The following SBF1 variants were observed in gnomAD, a reference collection of about 807,000 sequenced individuals.
The protein encoded by SBF1 is SET binding factor 1, also known as myotubularin-related protein 5.
SBF1 carries 65 observed loss-of-function variants against 215.8 expected under a neutral mutation model. The observed-to-expected ratio is 0.30, with a 90% CI of 0.25 to 0.37. The LOEUF (loss-of-function observed/expected upper bound fraction) is 0.37. Ranked by LOEUF, SBF1 falls within the 10% of genes least tolerant of loss-of-function variation. The pLI, the probability that SBF1 is intolerant of heterozygous loss-of-function variation, is 1.00. For missense variants in SBF1, 2,634 were observed against 2,667.8 expected, an observed-to-expected ratio of 0.99 and a Z score of 0.28; for synonymous variants, 1,410 against 1,122.8, an observed-to-expected ratio of 1.26 and a Z score of -5.11.
chr22:50,456,643 C>G lies in SBF1; in HGVS notation c.3935G>C (p.Arg1312Pro). The G allele has an allele frequency of 1.3e-6, 2 of 1,504,972 alleles. No individual in the cohort carries two copies. The highest frequency in any genetic ancestry group is 2.7e-5 in the South Asian group (2 of 73,480). 93.2% of individuals were successfully genotyped at this position (1,504,972 alleles called of 1,614,324 possible). ...CACATCGGTGCCAAGGCCACTGCTG[C>G]GTCCACTGGTCCGGACACTGCCCCA... ...GKWGSVRTSGRSSGLGTDVGS... is the reference protein window; with the variant it reads ...GKWGSVRTSGPSSGLGTDVGS... The change falls in exon 30 of 41, where the codon CGC becomes CCC. Residue 1312 changes from arginine to proline, a missense_variant. Transcript: ENST00000380817.
rs146830316 is a variant in SBF1, at chr22:50,465,323, C to T, written c.1095G>A (p.Lys365=). The change falls in exon 11 of 41, where the codon AAG becomes AAA. Residue 365 remains lysine, a synonymous_variant. Transcript: ENST00000380817. ...GCCGCAGGAAGACCGCGCGCAGCTC[C>T]TTGTCCTGGGAGAAGAGCTGAGTGC... The part of the protein sequence containing the change: ...TSTSSLKMQD[K]ELRAVFLRLF... 2.6e-4 allele frequency: 412 copies of T among 1,585,516 alleles called. 2 individuals are homozygous for T. In the African/African-American group the frequency reaches 5.0e-3, roughly 19 times the overall value.
rs1203430925 is a variant in SBF1, at chr22:50,460,123, G to A, written c.3320C>T (p.Ser1107Phe). The A allele has an allele frequency of 4.3e-6, 7 of 1,612,792 alleles. No homozygotes were observed. The highest frequency in any genetic ancestry group is 5.9e-6 in the Non-Finnish European group (7 of 1,180,004). The change falls in exon 26 of 41, where the codon TCC becomes TTC. Residue 1107 changes from serine to phenylalanine, a missense_variant. By Grantham distance (155) the Ser-to-Phe change is radical. Coordinates refer to ENST00000380817, the MANE Select transcript of SBF1 (RefSeq NM_002972.4). ...EELEPSTLTP[S>F]SALKPSDRMT... The stretch of plus-strand genomic sequence containing the variant: ...GCGGTCGGAGGGCTTCAGGGCTGAG[G>A]ACGGGGTCAGCGTGCTGGGCTCCAG...
chr22:50,448,698 C>G (rs1208318326), intron 36 of SBF1, 48 bp from the exon 37 acceptor site: 1 of 1,454,670 alleles, frequency 6.9e-7, no homozygotes, highest in African/African-American at 1.4e-5. Context: ...AATATCCAGA[C>G]TAGAGCACGA....
At chr22:50,452,315 A>C (rs1274730885) in intron 36 of SBF1, among the ~76,000 whole-genome samples, 3 of 152,224 alleles carry the variant, frequency 2.0e-5, no homozygotes, top group African/African-American at 7.2e-5. Context: ...GCTGAAGAGA[A>C]ATAATAACCA....
Position 50,457,115 on chromosome 22 carries a change from A to C in SBF1, c.3827-4T>G, listed in dbSNP as rs114603288. 7 of 1,477,298 alleles carry C rather than the reference A, an allele frequency of 4.7e-6. No individual in the cohort carries two copies. The South Asian group carries it at 8.5e-5, about 18-fold the overall frequency. 91.5% of individuals were successfully genotyped at this position (1,477,298 alleles called of 1,614,324 possible). Reference sequence around the variant, plus strand: ...ACCCTGGCTCTGGGGCTGGGAACTGAGGGCACAGCAGAGAGAAGGCTCAGG... The same window carrying C: ...ACCCTGGCTCTGGGGCTGGGAACTGCGGGCACAGCAGAGAGAAGGCTCAGG... On this transcript the variant is annotated splice_polypyrimidine_tract_variant and splice_region_variant and intron_variant, in intron 28 of 40. Coordinates refer to ENST00000380817, the MANE Select transcript of SBF1 (RefSeq NM_002972.4).
chr22:50,466,043 C>G lies in SBF1; in HGVS notation c.929G>C (p.Gly310Ala), dbSNP rs1451336902. 1.2e-6 allele frequency: 2 copies of G among 1,613,764 alleles called. No individual in the cohort carries two copies. The highest frequency in any genetic ancestry group is 2.7e-5 in the African/African-American group (2 of 74,930). Residue 310 changes from glycine (G) to alanine (A), a missense_variant, in exon 9 of 41, where the codon GGG (glycine) becomes GCG (alanine). Gly to Ala is a moderately conservative substitution (Grantham distance 60). Coordinates refer to ENST00000380817, the MANE Select transcript of SBF1 (RefSeq NM_002972.4). ...CACACACTCAGGAATGGTGACCGTC[C>G]CTCCATCCAGATCAGCAACAATCAC... ...LDVIVADLDGGTVTIPECVHI... is the reference protein window; with the variant it reads ...LDVIVADLDGATVTIPECVHI...
In SBF1 at chr22:50,455,080, G is replaced by A. The variant is rs2067194718; in HGVS notation, c.4617C>T (p.Tyr1539=). Residue 1539 remains tyrosine (Y), a synonymous_variant, in exon 34 of 41, where the codon TAC becomes TAT. Coordinates refer to ENST00000380817, the MANE Select transcript of SBF1 (RefSeq NM_002972.4). ...FSQFYLKFLG[Y]HHVSRRFRTF... is the part of the protein sequence containing the mutation. ...TCCGGAAACGGCGGGACACATGGTGGTAGCCGAGGAACTTGAGGTAGAACT... is the reference window on the plus strand; with the variant it reads ...TCCGGAAACGGCGGGACACATGGTGATAGCCGAGGAACTTGAGGTAGAACT... 1.9e-6 allele frequency: 3 copies of A among 1,614,112 alleles called. No homozygotes were observed. Among genetic ancestry groups the A allele is most frequent in the Non-Finnish European group, 2.5e-6 (3 of 1,180,028 alleles).
intron 29 of SBF1, 137 bp from the exon 30 acceptor site, chr22:50,456,810 G>T: frequency 2.5e-6 from 2 of 802,268 alleles, no homozygotes; most frequent in Non-Finnish European, 3.8e-6. Context: ...AGGGCCGTGC[G>T]AGAGGAGGGC....
chr22:50,456,187 C>G (rs751226997), intron 31 of SBF1, 29 bp downstream of exon 31: 1 of 1,604,624 alleles, frequency 6.2e-7, no homozygotes, highest in South Asian at 1.1e-5. Flanking sequence ...AGCACCAAGG[C>G]GGGCAGAGGG....
rs2067219773 is a variant in SBF1 at position 50,455,705 on chromosome 22, A to G, written c.4267-123T>C. ...GGCAGGCCCTGTCCACAGCCCCCCA[A>G]GCCCTGTATGCGGGCAGAGCACTGG... On this transcript the variant is annotated intron_variant, in intron 31 of 40. Transcript: ENST00000380817. The G allele has an allele frequency of 5.2e-6, 4 of 771,950 alleles. No homozygotes were observed. In the Admixed American group the frequency reaches 6.7e-5, roughly 13 times the overall value. The allele number at this position is 771,950 out of a possible 1,614,324, so 47.8% of individuals were successfully genotyped here. A position where few individuals can be genotyped will look rare whatever the true frequency, so the allele number is the denominator to read the frequency against.
rs777596406 is a variant in SBF1, at chr22:50,466,638, G to A, written c.622C>T (p.Arg208Cys). 1.4e-5 allele frequency: 22 copies of A among 1,552,532 alleles called. No individual in the cohort carries two copies. The highest frequency in any genetic ancestry group is 5.9e-5 in the South Asian group (5 of 84,192). The change falls in exon 6 of 41, where the codon CGC becomes TGC. Residue 208 changes from arginine (R) to cysteine (C), a missense_variant. Physicochemically the swap from Arg to Cys is radical, Grantham distance 180 (BLOSUM62 -3). Coordinates refer to ENST00000380817, the MANE Select transcript of SBF1 (RefSeq NM_002972.4). ...TPLADSLPVS[R>C]CSVALLFRQL... The stretch of plus-strand genomic sequence containing the variant: ...CGGAAGAGCAGGGCCACGCTGCAGC[G>A]GCTGACGGGCAGCGAGTCGGCCAGT...
rs774902522 is a variant in SBF1 at position 50,456,525 on chromosome 22, G to A, written c.4053C>T (p.Ala1351=). ...GGGCTTTGTCCCCAAGGATATAGAG[G>A]GCTGCTCGCTGCGGACGCAGGAAGC... The part of the protein sequence containing the change: ...DPGFLRPQRA[A]LYILGDKAQL... The change falls in exon 30 of 41, where the codon GCC becomes GCT. Residue 1351 remains alanine, a synonymous_variant. Transcript: ENST00000380817. 3.1e-6 allele frequency: 5 copies of A among 1,587,664 alleles called. No homozygotes were observed. In the Admixed American group the frequency reaches 5.3e-5, roughly 17 times the overall value.
chr22:50,470,545 C>G (rs1236966377), intron 1 of SBF1, among the ~76,000 whole-genome samples: 2 of 152,188 alleles, frequency 1.3e-5, no homozygotes, highest in Non-Finnish European at 2.9e-5. Context: ...TGTGCCATGA[C>G]AGCCCCAGAC....
At position 50,447,418 on chromosome 22, in the gene SBF1, G is replaced by A; in HGVS notation, c.5487C>T (p.Cys1829=). The part of the protein sequence containing the change: ...RYYDHRVDTE[C]KGVIDLAEVE... ...CCTCCGCCAAGTCGATGACACCCTT[G>A]CACTCTGTGTCCACACGGTGGTCGT... Residue 1829 remains cysteine, a synonymous_variant, in exon 40 of 41, where the codon TGC becomes TGT. Coordinates refer to ENST00000380817, the MANE Select transcript of SBF1 (RefSeq NM_002972.4). The A allele has an allele frequency of 6.2e-7, 1 of 1,613,974 alleles. No individual in the cohort carries two copies. The highest frequency in any genetic ancestry group is 8.5e-7 in the Non-Finnish European group (1 of 1,179,952).
At chr22:50,461,924 A>C in intron 20 of SBF1, 23 bp downstream of exon 20, 1 of 1,613,924 alleles carries the variant, frequency 6.2e-7, no homozygotes, top group Non-Finnish European at 8.5e-7. Context: ...CCAAGGGGGA[A>C]TCACCAGCCC....
In SBF1 at chr22:50,446,356, T is replaced by TCTTCC. The variant is rs1491577679; in HGVS notation, c.*785_*786insGGAAG. On this transcript the variant is annotated 3_prime_UTR_variant, in exon 41 of 41. Transcript: ENST00000380817. ...CCTGCATTCCCCTGGGAGCCCACTG[T>TCTTCC]CCCCCCCCCCCCCCCGCCTCCGGCC... is the stretch of plus-strand genomic sequence containing the variant. The TCTTCC allele has an allele frequency of 2.9e-5, 1 of 35,048 alleles. No individual in the cohort carries two copies. Among genetic ancestry groups the TCTTCC allele is most frequent in the Non-Finnish European group, 5.8e-5 (1 of 17,172 alleles). 2.2% of individuals were successfully genotyped at this position (35,048 alleles called of 1,614,324 possible). A position where few individuals can be genotyped will look rare whatever the true frequency, so the allele number is the denominator to read the frequency against.
chr22:50,460,651 T>C lies in SBF1; in HGVS notation c.3029A>G (p.Gln1010Arg), dbSNP rs780860668. The C allele has an allele frequency of 4.3e-5, 69 of 1,613,930 alleles. No homozygotes were observed. The highest frequency in any genetic ancestry group is 5.8e-5 in the Non-Finnish European group (68 of 1,180,044). The change falls in exon 24 of 41, where the codon CAG becomes CGG. Residue 1010 changes from glutamine to arginine, a missense_variant. Coordinates refer to ENST00000380817, the MANE Select transcript of SBF1 (RefSeq NM_002972.4). ...GSDSAELFRK[Q>R]LHKLRYPPDI... ...CGGCGGGTACCGCAGCTTATGCAGCTGCTTACGGAAGAGCTCGGCGCTGTC... is the reference window on the plus strand; with the variant it reads ...CGGCGGGTACCGCAGCTTATGCAGCCGCTTACGGAAGAGCTCGGCGCTGTC...
chr22:50,449,186 A>C (rs1261038193), intron 36 of SBF1, among the ~76,000 whole-genome samples: 1 of 151,930 alleles, frequency 6.6e-6, no homozygotes, highest in Admixed American at 6.5e-5. Context: ...AAAAAAAAAG[A>C]CCACACAATA....
In SBF1 at chr22:50,447,109, C is replaced by A; in HGVS notation, c.*33G>T. ...CCCACCCCTAGTGGTCGGTAACGAC[C>A]GGAAGCAGAGCAGCCGGGCAGGGCT... is the stretch of plus-strand genomic sequence containing the variant. On this transcript the variant is annotated 3_prime_UTR_variant, in exon 41 of 41. Coordinates refer to ENST00000380817, the MANE Select transcript of SBF1 (RefSeq NM_002972.4). 1 of 1,586,482 alleles carries A rather than the reference C, an allele frequency of 6.3e-7. No individual in the cohort carries two copies. Among genetic ancestry groups the A allele is most frequent in the Non-Finnish European group, 8.6e-7 (1 of 1,163,722 alleles).
Sources: allele counts gnomAD v4.1 joint callset (sites outside exome capture counted in the v4.1 genomes callset), GRCh38; gene constraint gnomAD v4.1.1; transcripts MANE v1.5; gene names NCBI Gene and HGNC (gene_info 2026-07-23, HGNC 2026-07-21).